The following DDX10 variants were observed in gnomAD, a reference collection of about 807,000 sequenced individuals.
DDX10 encodes the protein DEAD-box helicase 10, also known as probable ATP-dependent RNA helicase DDX10.
A neutral mutation model predicts 104.3 loss-of-function variants in DDX10; 74 were observed. The ratio of observed to expected loss-of-function variants is 0.71; its 90% CI spans 0.59 to 0.86. DDX10 has a LOEUF of 0.86. Ranked by LOEUF, DDX10 falls within the 40% of genes least tolerant of loss-of-function variation. DDX10 has a pLI of 0.00. For synonymous variants in DDX10, 351 were observed against 353.4 expected (o/e 0.99, Z 0.08); for missense variants, 952 against 1,040.0 (o/e 0.92, Z 1.16).
At chr11:108,746,538 T>C (rs2094332116) in intron 13 of DDX10, among the ~76,000 whole-genome samples, 1 of 151,634 alleles carries the variant, frequency 6.6e-6, no homozygotes, top group Non-Finnish European at 1.5e-5. Context: ...GACATAATTA[T>C]TCATTTCTTT....
chr11:108,804,887 G>A (rs1447446657), intron 13 of DDX10, among the ~76,000 whole-genome samples: 2 of 152,138 alleles, frequency 1.3e-5, no homozygotes, highest in Admixed American at 1.3e-4. Context: ...GCCTTTAGGA[G>A]GTATTATATA....
intron 13 of DDX10, among the ~76,000 whole-genome samples, chr11:108,758,117 T>A (rs1396386259): frequency 6.6e-6 from 1 of 151,996 alleles, no homozygotes; most frequent in Non-Finnish European, 1.5e-5. Flanking sequence ...CTGTTTCAAA[T>A]GTCCTCCAAG....
chr11:108,820,044 A>T (rs970919145), intron 13 of DDX10, among the ~76,000 whole-genome samples: 1 of 152,214 alleles, frequency 6.6e-6, no homozygotes, highest in Non-Finnish European at 1.5e-5. Context: ...GCTCAAGAAG[A>T]TAAATTTTGA....
At chr11:108,925,283 T>C (rs913941216) in intron 17 of DDX10, among the ~76,000 whole-genome samples, 3 of 152,084 alleles carry the variant, frequency 2.0e-5, no homozygotes, top group Admixed American at 2.0e-4. Flanking sequence ...AAATTGGGAG[T>C]TTAAGAAGCT....
chr11:108,883,441 G>T (rs183355499), intron 16 of DDX10, among the ~76,000 whole-genome samples: 1 of 151,992 alleles, frequency 6.6e-6, no homozygotes, highest in East Asian at 1.9e-4. Context: ...CCATCCTCTC[G>T]TTTCTCCTTG....
intron 16 of DDX10, among the ~76,000 whole-genome samples, chr11:108,879,442 T>C (rs1358005736): frequency 6.6e-6 from 1 of 152,232 alleles, no homozygotes. Context: ...CAAATTTCTG[T>C]AGTGAAATTA....
chr11:108,818,635 TAGTG>T (rs979192442), intron 13 of DDX10, among the ~76,000 whole-genome samples: 2 of 152,234 alleles, frequency 1.3e-5, no homozygotes, highest in Non-Finnish European at 2.9e-5. Context: ...TTTCATTTAT[TAGTG>T]AGTCAACTGA....
At chr11:108,764,181 T>A (rs2094353860) in intron 13 of DDX10, among the ~76,000 whole-genome samples, 1 of 152,186 alleles carries the variant, frequency 6.6e-6, no homozygotes, top group African/African-American at 2.4e-5. Context: ...AAAGCTTGCT[T>A]GCATGTAATC....
chr11:108,784,714 T>C (rs1244009351), intron 13 of DDX10, among the ~76,000 whole-genome samples: 1 of 152,210 alleles, frequency 6.6e-6, no homozygotes, highest in Non-Finnish European at 1.5e-5. Context: ...CGTTTATCAA[T>C]TTTTGTTTTT....
intron 15 of DDX10, among the ~76,000 whole-genome samples, chr11:108,844,043 C>T (rs1862679001): frequency 6.6e-6 from 1 of 152,122 alleles, no homozygotes; most frequent in Admixed American, 6.6e-5. Flanking sequence ...CCATGACTAT[C>T]TCATAGCAAG....
At chr11:108,669,703 C>A (rs2094214559) in intron 1 of DDX10, among the ~76,000 whole-genome samples, 1 of 152,148 alleles carries the variant, frequency 6.6e-6, no homozygotes, top group Non-Finnish European at 1.5e-5. Context: ...AATCAGCTGA[C>A]CTTAAAGTAG....
chr11:108,798,406 A>G (rs1270126056), intron 13 of DDX10, among the ~76,000 whole-genome samples: 3 of 152,220 alleles, frequency 2.0e-5, no homozygotes, highest in Non-Finnish European at 2.9e-5. Flanking sequence ...TCGTCTTGCA[A>G]AACTGCAACT....
rs141369999 is a variant in DDX10, at chr11:108,917,892, C to T, written c.2324C>T (p.Ala775Val). ...RQAKAKDEEE[A>V]FLDWSDDDDD... ...TTTTAGGCCAAAGATGAAGAGGAAG[C>T]CTTTCTGGATTGGAGTGATGATGAT... The change falls in exon 17 of 18, where the codon GCC becomes GTC. Residue 775 changes from alanine (A) to valine (V), a missense_variant. By Grantham distance (64) the Ala-to-Val change is moderately conservative. Coordinates refer to ENST00000322536, the MANE Select transcript of DDX10 (RefSeq NM_004398.4). 268 of 1,611,632 alleles carry T rather than the reference C, an allele frequency of 1.7e-4. 1 individual carries two copies. The African/African-American group carries it at 3.2e-3, about 19-fold the overall frequency.
chr11:108,722,703 A>C (rs1223312292), intron 12 of DDX10, among the ~76,000 whole-genome samples: 1 of 152,200 alleles, frequency 6.6e-6, no homozygotes, highest in Non-Finnish European at 1.5e-5. Context: ...TGAATTGGAA[A>C]TTGGCAGGTC....
intron 13 of DDX10, among the ~76,000 whole-genome samples, chr11:108,750,032 G>C (rs570691971): frequency 1.6e-4 from 25 of 152,248 alleles, no homozygotes; most frequent in Non-Finnish European, 3.1e-4. Flanking sequence ...TGCAAAATCT[G>C]TATAAAGTAC....
intron 6 of DDX10, among the ~76,000 whole-genome samples, chr11:108,683,193 T>A (rs930384440): frequency 2.0e-5 from 3 of 152,222 alleles, no homozygotes; most frequent in African/African-American, 7.2e-5. Flanking sequence ...CCTCGTAGCA[T>A]TGTGACCCTG....
intron 13 of DDX10, among the ~76,000 whole-genome samples, chr11:108,805,816 T>G (rs966254766): frequency 6.6e-6 from 1 of 152,194 alleles, no homozygotes; most frequent in Non-Finnish European, 1.5e-5. Context: ...TTAAATTTAC[T>G]TATATTCTTG....
chr11:108,726,552 C>A (rs1163987402), intron 13 of DDX10, among the ~76,000 whole-genome samples: 1 of 152,072 alleles, frequency 6.6e-6, no homozygotes, highest in Non-Finnish European at 1.5e-5. Flanking sequence ...TCATTCTAAA[C>A]TGACCTGTTA....
At chr11:108,884,460 G>A (rs543953339) in intron 16 of DDX10, among the ~76,000 whole-genome samples, 8 of 151,738 alleles carry the variant, frequency 5.3e-5, no homozygotes, top group Non-Finnish European at 1.0e-4. Flanking sequence ...CCCTCCTCCC[G>A]TAACTATTGA....
Sources: gnomAD v4.1 joint callset for allele counts (sites outside exome capture counted in the v4.1 genomes callset) on GRCh38, gnomAD v4.1.1 for gene constraint, MANE v1.5 for transcripts, NCBI Gene and HGNC (gene_info 2026-07-23, HGNC 2026-07-21) for gene names.